ARID5B: variants seen among roughly 807,000 people sequenced by gnomAD.
ARID5B encodes the protein AT-rich interactive domain-containing protein 5B.
A neutral mutation model predicts 97.2 loss-of-function variants in ARID5B; 13 were observed. The observed-to-expected ratio is 0.13, with a 90% CI of 0.09 to 0.21. ARID5B has a LOEUF of 0.21. Among genes scored for constraint, ARID5B ranks in the 10% least tolerant of loss-of-function variants. The pLI, the probability that ARID5B is intolerant of heterozygous loss-of-function variation, is 1.00. For synonymous variants in ARID5B, 556 were observed against 570.3 expected (o/e 0.97, Z 0.36); for missense variants, 1,210 against 1,465.3 (o/e 0.83, Z 2.84).
intron 2 of ARID5B, among the ~76,000 whole-genome samples, chr10:61,922,669 C>T (rs944703334): frequency 3.3e-5 from 5 of 152,166 alleles, no homozygotes; most frequent in African/African-American, 1.2e-4. Flanking sequence ...TGTTGGCATA[C>T]GGCCATGGAA....
At chr10:61,935,853 T>C (rs1844290332) in intron 2 of ARID5B, among the ~76,000 whole-genome samples, 1 of 152,254 alleles carries the variant, frequency 6.6e-6, no homozygotes, top group Non-Finnish European at 1.5e-5. Context: ...TTTACATTTT[T>C]TGTAAATCTC....
intron 3 of ARID5B, among the ~76,000 whole-genome samples, chr10:61,989,991 G>A (rs1327423100): frequency 6.6e-6 from 1 of 152,104 alleles, no homozygotes; most frequent in African/African-American, 2.4e-5. Flanking sequence ...CTCATTCTTG[G>A]GCAGATGCAT....
rs536626752 is a variant in ARID5B, at chr10:61,987,203, G to T, written c.503-12888G>T. On this transcript the variant is annotated intron_variant, in intron 3 of 9. Transcript: ENST00000279873. Reference sequence around the variant, plus strand: ...AACAAGCAGAAGCCAGCCAGCCCATGAGGGAGCCCAATGATACAACATTCA... The same window carrying T: ...AACAAGCAGAAGCCAGCCAGCCCATTAGGGAGCCCAATGATACAACATTCA... Among the ~76,000 whole-genome samples, 3 of 152,328 alleles carry T rather than the reference G, an allele frequency of 2.0e-5. No homozygotes were observed. The East Asian group carries it at 5.8e-4, about 29-fold the overall frequency.
At chr10:61,905,412 C>T (rs1217727734) in intron 2 of ARID5B, among the ~76,000 whole-genome samples, 1 of 149,534 alleles carries the variant, frequency 6.7e-6, no homozygotes, top group Admixed American at 6.6e-5. Context: ...TTAGAAATAG[C>T]GTCCCTGTGT....
At chr10:61,938,609 G>T (rs898227825) in intron 2 of ARID5B, among the ~76,000 whole-genome samples, 1 of 152,088 alleles carries the variant, frequency 6.6e-6, no homozygotes, top group Non-Finnish European at 1.5e-5. Context: ...GAAATCATCC[G>T]TTGAAATGGT....
At chr10:62,017,116 G>C (rs1025251529) in intron 4 of ARID5B, among the ~76,000 whole-genome samples, 1 of 152,186 alleles carries the variant, frequency 6.6e-6, no homozygotes, top group Non-Finnish European at 1.5e-5. Context: ...TGCCTCGTAT[G>C]TGTACACAAA....
intron 2 of ARID5B, among the ~76,000 whole-genome samples, chr10:61,903,809 G>C (rs933563060): frequency 6.6e-6 from 1 of 151,820 alleles, no homozygotes; most frequent in African/African-American, 2.4e-5. Flanking sequence ...GTCTATGCCG[G>C]TTAATTACTG....
At position 61,982,998 on chromosome 10, in the gene ARID5B, T is replaced by C. The variant is rs1203074604; in HGVS notation, c.503-17093T>C. ...CAGGTTGGGGCAAAGTAGAGGGATC[T>C]GGTGGATCTCAGAGACTCTTTCTTG... is the stretch of plus-strand genomic sequence containing the variant. On this transcript the variant is annotated intron_variant, in intron 3 of 9. Coordinates refer to ENST00000279873, the MANE Select transcript of ARID5B (RefSeq NM_032199.3). Among the ~76,000 whole-genome samples the C allele has an allele frequency of 2.6e-5, 4 of 152,212 alleles. No individual in the cohort carries two copies. The East Asian group carries it at 5.8e-4, about 22-fold the overall frequency.
At chr10:61,985,502 T>C (rs1337731572) in intron 3 of ARID5B, among the ~76,000 whole-genome samples, 1 of 152,078 alleles carries the variant, frequency 6.6e-6, no homozygotes, top group Non-Finnish European at 1.5e-5. Context: ...TCCATTTATA[T>C]GAAATGTCCA....
chr10:62,054,805 A>G (rs1839833837), intron 5 of ARID5B, among the ~76,000 whole-genome samples: 1 of 152,144 alleles, frequency 6.6e-6, no homozygotes, highest in Non-Finnish European at 1.5e-5. Flanking sequence ...CTACTCCTTT[A>G]TGTTATAAAA....
At chr10:61,938,707 T>G (rs990182805) in intron 2 of ARID5B, among the ~76,000 whole-genome samples, 8 of 152,146 alleles carry the variant, frequency 5.3e-5, no homozygotes, top group African/African-American at 1.9e-4. Context: ...TGTCTCCCAT[T>G]TAGTGGTAGT....
At chr10:62,008,845 T>C (rs2393733) in intron 4 of ARID5B, among the ~76,000 whole-genome samples, 6,208 of 152,270 alleles carry the variant, frequency 0.041, 310 homozygotes, top group Admixed American at 0.14. Context: ...GGGGTTTCCA[T>C]GCTGACAGGA....
At chr10:62,029,328 A>G (rs1271883530) in intron 4 of ARID5B, among the ~76,000 whole-genome samples, 2 of 152,108 alleles carry the variant, frequency 1.3e-5, no homozygotes, top group Non-Finnish European at 2.9e-5. Context: ...AATTATATCT[A>G]TCTATGTAGT....
intron 4 of ARID5B, among the ~76,000 whole-genome samples, chr10:62,029,438 A>G (rs1179288341): frequency 2.0e-5 from 3 of 152,236 alleles, no homozygotes; most frequent in Admixed American, 1.3e-4. Flanking sequence ...ATTGTCTTTG[A>G]TTGGAATTAA....
chr10:61,902,332 C>A lies in ARID5B; in HGVS notation c.195C>A (p.Thr65=). Residue 65 remains threonine, a synonymous_variant, in exon 2 of 10, where the codon ACC becomes ACA. Coordinates refer to ENST00000279873, the MANE Select transcript of ARID5B (RefSeq NM_032199.3). The part of the protein sequence containing the change: ...AELQLLWEER[T]SRQLLSSSKL... ...TCCAGCTGTTGTGGGAAGAGAGGAC[C>A]AGCCGGCAACTTTTATCCAGCTCTA... is the stretch of plus-strand genomic sequence containing the variant. 6.2e-7 allele frequency: 1 copy of A among 1,614,114 alleles called. No individual in the cohort carries two copies. The highest frequency in any genetic ancestry group is 1.1e-5 in the South Asian group (1 of 91,072).
At chr10:61,962,093 C>T (rs1004635311) in intron 3 of ARID5B, among the ~76,000 whole-genome samples, 7 of 152,174 alleles carry the variant, frequency 4.6e-5, no homozygotes, top group African/African-American at 1.4e-4. Context: ...GTGAGGGAAA[C>T]GGTAATTGTT....
intron 2 of ARID5B, among the ~76,000 whole-genome samples, chr10:61,914,251 C>T (rs887135796): frequency 5.9e-5 from 9 of 152,216 alleles, no homozygotes; most frequent in African/African-American, 2.2e-4. Flanking sequence ...GGAATTGGTA[C>T]TTATGCGAAC....
intron 3 of ARID5B, among the ~76,000 whole-genome samples, chr10:61,962,753 A>G (rs1269702626): frequency 6.6e-6 from 1 of 152,246 alleles, no homozygotes; most frequent in African/African-American, 2.4e-5. Flanking sequence ...GGACTAGAAT[A>G]AATTTTCCCA....
At chr10:62,007,661 C>G (rs1168033103) in intron 4 of ARID5B, among the ~76,000 whole-genome samples, 1 of 152,164 alleles carries the variant, frequency 6.6e-6, no homozygotes, top group Non-Finnish European at 1.5e-5. Context: ...ACAACCTTAA[C>G]CACATACTGG....
Sources: allele counts gnomAD v4.1 joint callset (sites outside exome capture counted in the v4.1 genomes callset), GRCh38; gene constraint gnomAD v4.1.1; transcripts MANE v1.5; gene names NCBI Gene and HGNC (gene_info 2026-07-23, HGNC 2026-07-21).